Variants in PHACTR1 observed in about 807,000 individuals in gnomAD.
The protein encoded by PHACTR1 is RPEL repeat containing 1.
A neutral mutation model predicts 69.2 loss-of-function variants in PHACTR1; 16 were observed. The observed-to-expected ratio is 0.23, with a 90% CI of 0.16 to 0.35. PHACTR1 has a LOEUF of 0.35. Among genes scored for constraint, PHACTR1 ranks in the 10% least tolerant of loss-of-function variants. The pLI, the probability that PHACTR1 is intolerant of heterozygous loss-of-function variation, is 1.00. For missense variants in PHACTR1, 510 were observed against 734.7 expected, an observed-to-expected ratio of 0.69 and a Z score of 3.54; for synonymous variants, 312 against 284.5, an observed-to-expected ratio of 1.10 and a Z score of -0.97.
At chr6:13,207,355 G>T (rs925433361) in intron 8 of PHACTR1, among the ~76,000 whole-genome samples, 6 of 152,324 alleles carry the variant, frequency 3.9e-5, no homozygotes, top group Admixed American at 3.9e-4. Flanking sequence ...TGTTCTTGCT[G>T]ATGGAGGAAG....
At chr6:13,044,871 GTTC>G (rs1238844099) in intron 4 of PHACTR1, among the ~76,000 whole-genome samples, 1 of 152,176 alleles carries the variant, frequency 6.6e-6, no homozygotes, top group Non-Finnish European at 1.5e-5. Flanking sequence ...TGTCCTACCG[GTTC>G]TTCTTGTCCT....
chr6:13,023,371 C>T (rs893846274), intron 4 of PHACTR1, among the ~76,000 whole-genome samples: 4 of 152,218 alleles, frequency 2.6e-5, no homozygotes, highest in Non-Finnish European at 5.9e-5. Context: ...AGTTAATCAT[C>T]TTGACTCTGT....
At chr6:12,999,362 G>A (rs1412629881) in intron 4 of PHACTR1, among the ~76,000 whole-genome samples, 1 of 152,230 alleles carries the variant, frequency 6.6e-6, no homozygotes, top group African/African-American at 2.4e-5. Flanking sequence ...CACTTTGGGA[G>A]GCCAGGGTGG....
chr6:12,995,636 A>G (rs1219699858), intron 4 of PHACTR1, among the ~76,000 whole-genome samples: 1 of 152,098 alleles, frequency 6.6e-6, no homozygotes, highest in Non-Finnish European at 1.5e-5. Context: ...TTATGTATTA[A>G]TACTTAATGG....
intron 4 of PHACTR1, among the ~76,000 whole-genome samples, chr6:12,915,547 G>A (rs950780966): frequency 4.7e-5 from 7 of 147,410 alleles, no homozygotes; most frequent in Non-Finnish European, 7.5e-5. Flanking sequence ...AGGAGGAGAA[G>A]TGCCCTTCTT....
intron 4 of PHACTR1, among the ~76,000 whole-genome samples, chr6:12,786,398 C>A (rs1045875219): frequency 6.6e-6 from 1 of 152,098 alleles, no homozygotes; most frequent in African/African-American, 2.4e-5. Flanking sequence ...CAATTAATTT[C>A]AAAGCTTCAA....
intron 4 of PHACTR1, among the ~76,000 whole-genome samples, chr6:13,019,324 G>A (rs575906430): frequency 6.6e-5 from 10 of 152,254 alleles, no homozygotes; most frequent in South Asian, 2.1e-4. Context: ...CCCTACTCTT[G>A]TATTATGTTA....
At chr6:12,974,912 T>C (rs1582784657) in intron 4 of PHACTR1, among the ~76,000 whole-genome samples, 1 of 152,270 alleles carries the variant, frequency 6.6e-6, no homozygotes, top group East Asian at 1.9e-4. Context: ...CCAATTTAAG[T>C]GTGTAGAAAT....
In PHACTR1 at chr6:12,893,284, C is replaced by T. The variant is rs114400799; in HGVS notation, c.250+143494C>T. 9.6e-3 allele frequency among the ~76,000 whole-genome samples: 1,458 copies of T among 152,258 alleles called. 29 individuals carry two copies. The highest frequency in any genetic ancestry group is 0.033 in the African/African-American group (1,367 of 41,530). The stretch of plus-strand genomic sequence containing the variant: ...CAGCTGTGCAGCTCCAGGGCGTATG[C>T]ACTTCACATCAGGCACACAAATGCG... On this transcript the variant is annotated intron_variant, in intron 4 of 14. Coordinates refer to ENST00000332995, the MANE Select transcript of PHACTR1 (RefSeq NM_030948.6).
At chr6:12,956,948 C>G (rs1335029180) in intron 4 of PHACTR1, among the ~76,000 whole-genome samples, 1 of 152,092 alleles carries the variant, frequency 6.6e-6, no homozygotes, top group South Asian at 2.1e-4. Context: ...GTCCTCTACT[C>G]AAGAATTGAA....
intron 4 of PHACTR1, among the ~76,000 whole-genome samples, chr6:12,952,079 C>A (rs1791369437): frequency 1.3e-5 from 2 of 152,158 alleles, no homozygotes; most frequent in Non-Finnish European, 2.9e-5. Context: ...TTTAAAAAAA[C>A]AGGCATGTGC....
chr6:12,732,769 A>G (rs1763711784), intron 3 of PHACTR1, among the ~76,000 whole-genome samples: 1 of 152,230 alleles, frequency 6.6e-6, no homozygotes, highest in Non-Finnish European at 1.5e-5. Flanking sequence ...TTTAAACAAT[A>G]AAATAATTCT....
intron 10 of PHACTR1, among the ~76,000 whole-genome samples, chr6:13,263,337 C>G (rs1162189542): frequency 1.2e-5 from 1 of 80,750 alleles, no homozygotes; most frequent in African/African-American, 3.9e-5. Context: ...CAGCATTGTT[C>G]AGACTGAAAA....
chr6:12,992,251 A>G (rs1016843457), intron 4 of PHACTR1, among the ~76,000 whole-genome samples: 3 of 152,262 alleles, frequency 2.0e-5, no homozygotes, highest in Non-Finnish European at 2.9e-5. Flanking sequence ...ATGGGGCTTC[A>G]TATTTTAAAA....
At chr6:12,815,961 C>A (rs1775537649) in intron 4 of PHACTR1, among the ~76,000 whole-genome samples, 6 of 152,340 alleles carry the variant, frequency 3.9e-5, no homozygotes, top group Admixed American at 3.9e-4. Flanking sequence ...GGCATATACT[C>A]AGCTTCCAAA....
chr6:13,240,894 C>T (rs1003803974), intron 10 of PHACTR1, among the ~76,000 whole-genome samples: 10 of 152,188 alleles, frequency 6.6e-5, no homozygotes, highest in Non-Finnish European at 1.5e-4. Context: ...CTAATAATCT[C>T]CATGCAACCC....
chr6:12,989,202 A>G (rs913975643), intron 4 of PHACTR1, among the ~76,000 whole-genome samples: 1 of 152,238 alleles, frequency 6.6e-6, no homozygotes, highest in Admixed American at 6.5e-5. Flanking sequence ...TTTTCCAAAC[A>G]TCACTGCTAT....
At chr6:13,077,358 T>C (rs911760055) in intron 5 of PHACTR1, among the ~76,000 whole-genome samples, 90 of 152,280 alleles carry the variant, frequency 5.9e-4, no homozygotes, top group African/African-American at 1.9e-3. Flanking sequence ...ATCTGGTTCA[T>C]TGTACTCCAG....
intron 3 of PHACTR1, among the ~76,000 whole-genome samples, chr6:12,745,241 T>C (rs939895300): frequency 5.9e-5 from 9 of 152,230 alleles, no homozygotes; most frequent in African/African-American, 2.2e-4. Context: ...TGAAGTGTAA[T>C]TTTCCTGAGC....
Sources: gnomAD v4.1 joint callset for allele counts (sites outside exome capture counted in the v4.1 genomes callset) on GRCh38, gnomAD v4.1.1 for gene constraint, MANE v1.5 for transcripts, NCBI Gene and HGNC (gene_info 2026-07-23, HGNC 2026-07-21) for gene names.